PTPN22: variants seen among roughly 807,000 people sequenced by gnomAD.
PTPN22 encodes the protein protein tyrosine phosphatase non-receptor type 22, also known as tyrosine-protein phosphatase non-receptor type 22.
PTPN22 carries 85 observed loss-of-function variants against 103.3 expected under a neutral mutation model. The observed-to-expected ratio is 0.82, with a 90% CI of 0.69 to 0.99. The LOEUF is 0.99. Ranked by LOEUF, PTPN22 falls within the 50% of genes least tolerant of loss-of-function variation. PTPN22 has a pLI of 0.00. For synonymous variants in PTPN22, 323 were observed against 310.2 expected, an observed-to-expected ratio of 1.04 and a Z score of -0.43; for missense variants, 865 against 936.9, an observed-to-expected ratio of 0.92 and a Z score of 1.00.
At chr1:113,824,023 AG>A (rs1661832627) in intron 19 of PTPN22, among the ~76,000 whole-genome samples, 1 of 152,152 alleles carries the variant, frequency 6.6e-6, no homozygotes, top group Non-Finnish European at 1.5e-5. Flanking sequence ...CTCTCCCTAT[AG>A]TACCAGTTTA....
At chr1:113,840,303 C>T (rs956355293) in intron 11 of PTPN22, among the ~76,000 whole-genome samples, 3 of 150,140 alleles carry the variant, frequency 2.0e-5, no homozygotes, top group Non-Finnish European at 3.0e-5. Flanking sequence ...TGGGATTCCA[C>T]AAAAAATCTG....
Position 113,837,947 on chromosome 1 carries a change from G to A in PTPN22, c.1453C>T (p.Gln485Ter). The change falls in exon 13 of 21, where the codon CAG becomes TAG. Residue 485 changes from glutamine to a stop codon, truncating the protein, a stop_gained. Transcript: ENST00000359785. LOFTEE classifies it high-confidence loss of function. ...GAAACATGCATTACTTTTTGAGCCT[G>A]CATCTCTACAAAACAAGAATCATGT... 6.2e-7 allele frequency: 1 copy of A among 1,614,068 alleles called. No individual in the cohort carries two copies. The highest frequency in any genetic ancestry group is 8.5e-7 in the Non-Finnish European group (1 of 1,179,992).
chr1:113,857,679 C>T (rs747938875), intron 5 of PTPN22, 59 bp downstream of exon 5: 4 of 1,510,204 alleles, frequency 2.6e-6, no homozygotes, highest in Admixed American at 3.5e-5. Flanking sequence ...TGCCAATTTC[C>T]CTCTCCTTTT....
At chr1:113,814,686 C>G (rs1461739351) in exon 21 of PTPN22, 2 of 511,468 alleles carry the variant, frequency 3.9e-6, no homozygotes, top group African/African-American at 2.0e-5. Context: ...GCTCAAGTGA[C>G]AAACTTTTAT....
rs932489697 is a variant in PTPN22 at position 113,858,923 on chromosome 1, G to C, written c.273+79C>G. ...CAAAGTGCTGGGATTACAGGCATGA[G>C]CCACTGAGTCCAGCCAGCCCTCCCC... On this transcript the variant is annotated intron_variant, in intron 3 of 20. Coordinates refer to ENST00000359785, the Ensembl canonical transcript of PTPN22. The C allele has an allele frequency of 3.3e-6, 5 of 1,536,918 alleles. No individual in the cohort carries two copies. In the Admixed American group the frequency reaches 6.2e-5, roughly 19 times the overall value.
chr1:113,824,136 C>G (rs1442435429), intron 19 of PTPN22, among the ~76,000 whole-genome samples: 1 of 148,754 alleles, frequency 6.7e-6, no homozygotes, highest in Non-Finnish European at 1.5e-5. Context: ...GAGTCTCGCT[C>G]TGTTGCCCAG....
At chr1:113,839,050 T>C (rs948481602) in intron 11 of PTPN22, among the ~76,000 whole-genome samples, 27 of 152,316 alleles carry the variant, frequency 1.8e-4, no homozygotes, top group African/African-American at 5.3e-4. Context: ...TGCCATTACT[T>C]TAGCATGCCA....
chr1:113,847,733 C>A (rs1316293986), intron 11 of PTPN22, among the ~76,000 whole-genome samples: 1 of 151,896 alleles, frequency 6.6e-6, no homozygotes, highest in East Asian at 1.9e-4. Context: ...TGCGCATCAC[C>A]ATGCCCAGTT....
intron 2 of PTPN22, 33 bp downstream of exon 2, chr1:113,859,319 A>C (rs1220504211): frequency 5.1e-6 from 8 of 1,581,248 alleles, no homozygotes; most frequent in Admixed American, 1.7e-5. Flanking sequence ...ATTTGGGAGA[A>C]AGTATGAGTT....
chr1:113,850,220 G>T (rs1351834519), intron 10 of PTPN22, among the ~76,000 whole-genome samples: 1 of 124,238 alleles, frequency 8.0e-6, no homozygotes, highest in East Asian at 2.4e-4. Flanking sequence ...AAGGAAGGAA[G>T]GAAGGAAGGA....
At chr1:113,820,550 T>C (rs974967104) in intron 19 of PTPN22, among the ~76,000 whole-genome samples, 4 of 152,188 alleles carry the variant, frequency 2.6e-5, no homozygotes, top group Non-Finnish European at 5.9e-5. Flanking sequence ...TAGTTACTTA[T>C]AGGTATAAGT....
exon 21 of PTPN22, chr1:113,814,820 G>A (rs1370033874): frequency 3.9e-6 from 4 of 1,025,988 alleles, no homozygotes; most frequent in Non-Finnish European, 6.1e-6. Flanking sequence ...TATGCATATA[G>A]AGCACTTATT....
At position 113,856,373 on chromosome 1, in the gene PTPN22, T is replaced by C. The variant is rs1665072626; in HGVS notation, c.540+9A>G. The C allele has an allele frequency of 1.1e-5, 17 of 1,554,424 alleles. No individual in the cohort carries two copies. The highest frequency in any genetic ancestry group is 1.5e-5 in the Non-Finnish European group (17 of 1,150,488). On this transcript the variant is annotated intron_variant, in intron 7 of 20. Transcript: ENST00000359785. ...GCTTTTGAGTTTATCATTCTTATTT[T>C]ATACTTACACTATTGAACTTAACTT...
intron 11 of PTPN22, among the ~76,000 whole-genome samples, chr1:113,839,011 T>C (rs11102685): frequency 0.059 from 8,924 of 152,262 alleles, 364 homozygotes; most frequent in Non-Finnish European, 0.093. Context: ...CTTTTCCTCC[T>C]CACTATGCTC....
At chr1:113,862,191 G>C (rs899454698) in intron 1 of PTPN22, among the ~76,000 whole-genome samples, 1 of 152,070 alleles carries the variant, frequency 6.6e-6, no homozygotes, top group African/African-American at 2.4e-5. Context: ...CTAAGGCAAG[G>C]AGAATCGCTT....
At chr1:113,852,208 G>T in intron 9 of PTPN22, 104 bp from the exon 10 acceptor site, 1 of 765,762 alleles carries the variant, frequency 1.3e-6, no homozygotes, top group Non-Finnish European at 2.1e-6. Flanking sequence ...TTCTAACATG[G>T]GGTAATATCA....
At chr1:113,850,213 GA>G in intron 10 of PTPN22, among the ~76,000 whole-genome samples, 1 of 77,616 alleles carries the variant, frequency 1.3e-5, no homozygotes, top group African/African-American at 6.9e-5. Context: ...AGGAAGGAAG[GA>G]AGGAAGGAAG....
At chr1:113,834,427 G>T in exon 15 of PTPN22, 1 of 1,612,592 alleles carries the variant, frequency 6.2e-7, no homozygotes. Flanking sequence ...GGGAACATTT[G>T]GTGAGAATTC....
At chr1:113,849,949 A>C (rs1664414957) in intron 10 of PTPN22, among the ~76,000 whole-genome samples, 1 of 151,542 alleles carries the variant, frequency 6.6e-6, no homozygotes, top group Non-Finnish European at 1.5e-5. Flanking sequence ...TAATCCCAGC[A>C]CTTTGGGAGG....
Sources: allele counts gnomAD v4.1 joint callset (sites outside exome capture counted in the v4.1 genomes callset), GRCh38; gene constraint gnomAD v4.1.1; transcripts MANE v1.5; gene names NCBI Gene and HGNC (gene_info 2026-07-23, HGNC 2026-07-21).